The following HMGXB3 variants were observed in gnomAD, a reference collection of about 807,000 sequenced individuals.
HMGXB3 encodes the protein HMG domain-containing protein 3.
Under a neutral mutation model 121.5 loss-of-function variants are expected in HMGXB3, and 45 were observed. The ratio of observed to expected loss-of-function variants is 0.37; its 90% CI spans 0.29 to 0.47. The LOEUF (loss-of-function observed/expected upper bound fraction) is 0.47, where lower values mean the gene tolerates loss of function less well. HMGXB3 is among the 20% of genes least tolerant of loss of function. HMGXB3 has a pLI of 0.99. For synonymous variants in HMGXB3, 590 were observed against 624.1 expected (o/e 0.95, Z 0.81); for missense variants, 1,376 against 1,602.2 (o/e 0.86, Z 2.41).
Position 150,045,663 on chromosome 5 carries a change from C to T in HMGXB3, c.2928C>T (p.Asn976=), listed in dbSNP as rs750599900. The change falls in exon 16 of 20, where the codon AAC becomes AAT. Residue 976 remains asparagine, a synonymous_variant. Coordinates refer to ENST00000502717, the MANE Select transcript of HMGXB3 (RefSeq NM_014983.3). ...AVVVNTEKDK[N]LDVQPVPGSG... is the part of the protein sequence containing the mutation. ...TCGTCAACACTGAGAAAGACAAAAACCTGGATGTGCAGCCAGTACCTGGTA... is the reference window on the plus strand; with the variant it reads ...TCGTCAACACTGAGAAAGACAAAAATCTGGATGTGCAGCCAGTACCTGGTA... The T allele has an allele frequency of 1.7e-5, 27 of 1,551,594 alleles. No homozygotes were observed. Among genetic ancestry groups the T allele is most frequent in the Non-Finnish European group, 8.7e-7 (1 of 1,146,998 alleles).
intron 4 of HMGXB3, 92 bp from the exon 5 acceptor site, chr5:150,012,163 T>C (rs1400943700): frequency 2.4e-6 from 2 of 828,646 alleles, no homozygotes; most frequent in South Asian, 1.5e-5. Flanking sequence ...CTGTCTGTTA[T>C]TAAACTTAAT....
At chr5:150,045,127 G>C (rs1288721741) in intron 15 of HMGXB3, among the ~76,000 whole-genome samples, 1 of 152,178 alleles carries the variant, frequency 6.6e-6, no homozygotes, top group Non-Finnish European at 1.5e-5. Flanking sequence ...TTGTTTTTTA[G>C]TAGTTCATTA....
At position 150,052,008 on chromosome 5, in the gene HMGXB3, A is replaced by G; in HGVS notation, c.3695A>G (p.Asn1232Ser). Residue 1232 changes from asparagine to serine, a missense_variant, in exon 20 of 20, where the codon AAC becomes AGC. Asn to Ser is a conservative substitution (Grantham distance 46). Coordinates refer to ENST00000502717, the MANE Select transcript of HMGXB3 (RefSeq NM_014983.3). Reference protein sequence around the residue: ...FDNATHYYLYNRLMDFLTSRE... With the variant: ...FDNATHYYLYSRLMDFLTSRE... ...AATGCCACTCACTATTACCTCTACA[A>G]CCGCCTCATGGACTTCCTCACCAGC... is the stretch of plus-strand genomic sequence containing the variant. 4.5e-6 allele frequency: 7 copies of G among 1,551,668 alleles called. No homozygotes were observed. Among genetic ancestry groups the G allele is most frequent in the Non-Finnish European group, 6.1e-6 (7 of 1,146,994 alleles).
chr5:150,015,579 G>T (rs756156210), intron 5 of HMGXB3, among the ~76,000 whole-genome samples: 1 of 152,146 alleles, frequency 6.6e-6, no homozygotes, highest in East Asian at 1.9e-4. Flanking sequence ...GTGAGCCACC[G>T]TGCCCAGCTC....
intron 14 of HMGXB3, among the ~76,000 whole-genome samples, chr5:150,041,578 C>G (rs1756635589): frequency 6.6e-6 from 1 of 152,248 alleles, no homozygotes; most frequent in Non-Finnish European, 1.5e-5. Context: ...TACAAGGCAG[C>G]TATCACTCCA....
At chr5:150,050,193 A>G in intron 18 of HMGXB3, 59 bp from the exon 19 acceptor site, 1 of 1,397,066 alleles carries the variant, frequency 7.2e-7, no homozygotes, top group South Asian at 1.2e-5. Flanking sequence ...TGAGAACTGT[A>G]CACTCTCTGC....
intron 2 of HMGXB3, among the ~76,000 whole-genome samples, chr5:150,005,326 G>A (rs1424690744): frequency 6.6e-6 from 1 of 152,164 alleles, no homozygotes; most frequent in Non-Finnish European, 1.5e-5. Context: ...AAGGCTGGGC[G>A]TGATGGCTCA....
intron 17 of HMGXB3, 67 bp from the exon 18 acceptor site, chr5:150,048,502 T>TG: frequency 9.3e-7 from 1 of 1,078,322 alleles, no homozygotes; most frequent in South Asian, 1.3e-5. Flanking sequence ...GAGTGTGTGA[T>TG]GCTGAGCACC....
rs191014818 is a variant in HMGXB3, at chr5:150,036,852, G to A, written c.2200G>A (p.Glu734Lys). 32 of 1,551,664 alleles carry A rather than the reference G, an allele frequency of 2.1e-5. No individual in the cohort carries two copies. Among genetic ancestry groups the A allele is most frequent in the Admixed American group, 2.0e-4 (10 of 50,994 alleles). The change falls in exon 12 of 20, where the codon GAG (glutamate) becomes AAG (lysine). Residue 734 changes from glutamate to lysine, a missense_variant. By Grantham distance (56) the Glu-to-Lys change is moderately conservative (BLOSUM62 1). Transcript: ENST00000502717. The part of the protein sequence containing the change: ...SNVSEETVTI[E>K]QTSWSNYYES... ...CGTGAGTGAGGAGACAGTCACCATC[G>A]AGCAAACCTCTTGGTCGAATTATTA...
At chr5:150,033,092 C>T (rs574402724) in intron 11 of HMGXB3, among the ~76,000 whole-genome samples, 5 of 152,132 alleles carry the variant, frequency 3.3e-5, no homozygotes, top group Non-Finnish European at 7.4e-5. Flanking sequence ...TGAAGTTGGG[C>T]CAAACTACTT....
At chr5:150,026,546 G>A (rs1756234184) in intron 7 of HMGXB3, among the ~76,000 whole-genome samples, 160 bp from the exon 8 acceptor site, 2 of 152,170 alleles carry the variant, frequency 1.3e-5, no homozygotes, top group African/African-American at 4.8e-5. Context: ...CTTGTCCAGG[G>A]CCACACAGCT....
At chr5:150,027,167 C>T in intron 9 of HMGXB3, 50 bp downstream of exon 9, 1 of 1,449,314 alleles carries the variant, frequency 6.9e-7, no homozygotes, top group South Asian at 1.3e-5. Flanking sequence ...TGGCTGCTTC[C>T]ATGTAATGTA....
At chr5:150,020,731 C>G (rs1250516352) in intron 6 of HMGXB3, among the ~76,000 whole-genome samples, 2 of 146,280 alleles carry the variant, frequency 1.4e-5, no homozygotes, top group Non-Finnish European at 3.0e-5. Context: ...TCATACCTGG[C>G]TTTAACTGAA....
chr5:150,033,182 C>T (rs1277529326), intron 11 of HMGXB3, among the ~76,000 whole-genome samples: 1 of 152,114 alleles, frequency 6.6e-6, no homozygotes, highest in African/African-American at 2.4e-5. Flanking sequence ...TGGGCATTTT[C>T]AGAGGTCCCC....
intron 1 of HMGXB3, among the ~76,000 whole-genome samples, chr5:150,004,392 A>G (rs1755649860): frequency 6.6e-6 from 1 of 152,252 alleles, no homozygotes; most frequent in Admixed American, 6.5e-5. Flanking sequence ...CAATGAAGGG[A>G]TTTGCTTAAG....
At position 150,007,499 on chromosome 5, in the gene HMGXB3, C is replaced by T. The variant is rs143340807; in HGVS notation, c.312+852C>T. Among the ~76,000 whole-genome samples, 247 of 152,306 alleles carry T rather than the reference C, an allele frequency of 1.6e-3. 4 individuals carry two copies. The highest frequency in any genetic ancestry group is 1.5e-3 in the Non-Finnish European group (103 of 68,034). ...TAATGTAGAGCAACAGCAACAACTA[C>T]GTTATAGCAGAACAGGTTGTATTTT... On this transcript the variant is annotated intron_variant, in intron 3 of 19. Transcript: ENST00000502717.
In HMGXB3 at chr5:150,045,523, A is replaced by G; in HGVS notation, c.2788A>G (p.Thr930Ala). 6.4e-7 allele frequency: 1 copy of G among 1,552,338 alleles called. No homozygotes were observed. Among genetic ancestry groups the G allele is most frequent in the Non-Finnish European group, 8.7e-7 (1 of 1,147,138 alleles). ...GGTAAATGTGGAGGACTTTTGGGCCACGATGGAGACAGAGGTGATTGAGCA... is the reference window on the plus strand; with the variant it reads ...GGTAAATGTGGAGGACTTTTGGGCCGCGATGGAGACAGAGGTGATTGAGCA... ...NEVNVEDFWA[T>A]METEVIEQVA... Residue 930 changes from threonine (T) to alanine (A), a missense_variant, in exon 16 of 20, where the codon ACG becomes GCG. Physicochemically the swap from Thr to Ala is moderately conservative, Grantham distance 58. This residue lies in a region of HMGXB3 where 1,116 missense variants were observed against 1,369.0 expected (regional missense o/e 0.82). Transcript: ENST00000502717.
intron 7 of HMGXB3, among the ~76,000 whole-genome samples, chr5:150,025,242 A>G (rs1388682301): frequency 6.6e-6 from 1 of 152,192 alleles, no homozygotes; most frequent in East Asian, 1.9e-4. Context: ...AGTCGGAGGA[A>G]GTCACTATCT....
intron 15 of HMGXB3, 128 bp downstream of exon 15, chr5:150,042,097 TC>T: frequency 1.6e-6 from 1 of 635,908 alleles, no homozygotes. Flanking sequence ...GAGTTTTTCC[TC>T]CCACAGCCCA....
Sources: allele counts gnomAD v4.1 joint callset (sites outside exome capture counted in the v4.1 genomes callset), GRCh38; gene constraint gnomAD v4.1.1; regional missense constraint gnomAD v4.1.1; transcripts MANE v1.5; gene names NCBI Gene and HGNC (gene_info 2026-07-23, HGNC 2026-07-21).